Variants in HES6 observed in about 807,000 individuals in gnomAD.
HES6 encodes transcription cofactor HES-6.
In HES6, 24 loss-of-function variants were observed where a neutral mutation model predicts 16.4. That is an observed-to-expected ratio of 1.46 (90% CI 1.06 to 2.06). The LOEUF (loss-of-function observed/expected upper bound fraction) is 2.06. Ranked by LOEUF, HES6 falls within the 30% of genes most tolerant of loss-of-function variation. HES6 has a pLI of 0.00. For missense variants in HES6, 355 were observed against 317.6 expected, an observed-to-expected ratio of 1.12 and a Z score of -0.90; for synonymous variants, 159 against 144.3, an observed-to-expected ratio of 1.10 and a Z score of -0.73.
rs896790439 is a variant in HES6 at position 238,238,586 on chromosome 2, C to T, written c.*241G>A. 3.7e-6 allele frequency: 2 copies of T among 540,510 alleles called. No individual in the cohort carries two copies. Among genetic ancestry groups the T allele is most frequent in the South Asian group, 4.9e-5 (2 of 41,136 alleles). The allele number at this position is 540,510 out of a possible 1,614,324, so 33.5% of individuals were successfully genotyped here. On this transcript the variant is annotated 3_prime_UTR_variant, in exon 4 of 4. Transcript: ENST00000272937. ...AGCTCTACAAAATTCTTCCTCCTGC[C>T]CGTAGCTCCCTCCCTCCACCCACTC... is the stretch of plus-strand genomic sequence containing the variant.
chr2:238,238,944 C>T lies in HES6; in HGVS notation c.558G>A (p.Glu186=). 2 of 1,599,698 alleles carry T rather than the reference C, an allele frequency of 1.3e-6. No individual in the cohort carries two copies. Among genetic ancestry groups the T allele is most frequent in the Non-Finnish European group, 8.5e-7 (1 of 1,174,960 alleles). The part of the protein sequence containing the change: ...GPGDDLCSDL[E]EAPEAELSQA... Reference sequence around the variant, plus strand: ...GACTCAGTTCAGCCTCAGGGGCCTCCTCCAGGTCGGAGCACAGGTCGTCCC... The same window carrying T: ...GACTCAGTTCAGCCTCAGGGGCCTCTTCCAGGTCGGAGCACAGGTCGTCCC... The change falls in exon 4 of 4, where the codon GAG becomes GAA. Residue 186 remains glutamate, a synonymous_variant. Coordinates refer to ENST00000272937, the MANE Select transcript of HES6 (RefSeq NM_018645.6).
Position 238,238,932 on chromosome 2 carries a change from C to T in HES6, c.570G>A (p.Glu190=). ...CAGCAGGAGCCTGACTCAGTTCAGCCTCAGGGGCCTCCTCCAGGTCGGAGC... is the reference window on the plus strand; with the variant it reads ...CAGCAGGAGCCTGACTCAGTTCAGCTTCAGGGGCCTCCTCCAGGTCGGAGC... The part of the protein sequence containing the change: ...DLCSDLEEAP[E]AELSQAPAEG... The change falls in exon 4 of 4, where the codon GAG becomes GAA. Residue 190 remains glutamate, a synonymous_variant. Transcript: ENST00000272937. 1 of 1,595,936 alleles carries T rather than the reference C, an allele frequency of 6.3e-7. No individual in the cohort carries two copies. The highest frequency in any genetic ancestry group is 8.5e-7 in the Non-Finnish European group (1 of 1,173,148).
rs148864550 is a variant in HES6 at position 238,239,146 on chromosome 2, G to C, written c.356C>G (p.Ala119Gly). 60 of 1,612,590 alleles carry C rather than the reference G, an allele frequency of 3.7e-5. No individual in the cohort carries two copies. The South Asian group carries it at 5.3e-4, about 14-fold the overall frequency. The part of the protein sequence containing the change: ...TFVSTCQAID[A>G]TVAAELLNHL... ...GTTCAGGAGCTCGGCAGCGACGGTA[G>C]CGTCGATGGCCTGGCACGTGGACAC... The change falls in exon 4 of 4, where the codon GCT becomes GGT. Residue 119 changes from alanine (A) to glycine (G), a missense_variant. Physicochemically the swap from Ala to Gly is moderately conservative, Grantham distance 60. Transcript: ENST00000272937.
chr2:238,239,009 C>CT lies in HES6; in HGVS notation c.492_493insA (p.Gly165ArgfsTer26). The stretch of plus-strand genomic sequence containing the variant: ...CTGGGTATTGGGGATCCCGGAGCGC[C>CT]CCCCGCAGGCCAGCCACTCCGTCCA... On this transcript the variant is annotated frameshift_variant, in exon 4 of 4. Coordinates refer to ENST00000272937, the MANE Select transcript of HES6 (RefSeq NM_018645.6). LOFTEE classifies it low-confidence loss of function (END_TRUNC). 2 of 1,607,916 alleles carry CT rather than the reference C, an allele frequency of 1.2e-6. No homozygotes were observed. The highest frequency in any genetic ancestry group is 4.5e-5 in the East Asian group (2 of 44,646).
At chr2:238,239,626 C>A in intron 2 of HES6, 35 bp downstream of exon 2, 1 of 1,135,518 alleles carries the variant, frequency 8.8e-7, no homozygotes, top group Non-Finnish European at 1.1e-6. Flanking sequence ...GCCCGCCCGC[C>A]CCGCAGCCCC....
At position 238,239,824 on chromosome 2, in the gene HES6, C is replaced by A; in HGVS notation, c.81+1G>T. On this transcript the variant is annotated splice_donor_variant, in intron 1 of 3. Coordinates refer to ENST00000272937, the MANE Select transcript of HES6 (RefSeq NM_018645.6). LOFTEE classifies it high-confidence loss of function. ...TGCTCGCCCATGGCCCCGGCCCGCA[C>A]CTTGCGGTCCCCTCGCGTCTCCCAG... 2.1e-6 allele frequency: 3 copies of A among 1,400,554 alleles called. No individual in the cohort carries two copies. The highest frequency in any genetic ancestry group is 1.5e-5 in the South Asian group (1 of 65,072). The allele number at this position is 1,400,554 out of a possible 1,614,324, so 86.8% of individuals were successfully genotyped here.
Position 238,239,004 on chromosome 2 carries a change from A to G in HES6, c.498T>C (p.Ala166=). The G allele has an allele frequency of 6.2e-7, 1 of 1,605,456 alleles. No homozygotes were observed. Among genetic ancestry groups the G allele is most frequent in the Non-Finnish European group, 8.5e-7 (1 of 1,177,700 alleles). ...GGGGGCTGGGTATTGGGGATCCCGGAGCGCCCCCCGCAGGCCAGCCACTCC... is the reference window on the plus strand; with the variant it reads ...GGGGGCTGGGTATTGGGGATCCCGGGGCGCCCCCCGCAGGCCAGCCACTCC... ...PGRSGWPAGG[A]PGSPIPSPPG... Residue 166 remains alanine, a synonymous_variant, in exon 4 of 4, where the codon GCT becomes GCC. Transcript: ENST00000272937.
At position 238,238,565 on chromosome 2, in the gene HES6, C is replaced by T. The variant is rs1695215617; in HGVS notation, c.*262G>A. The T allele has an allele frequency of 2.0e-6, 1 of 509,102 alleles. No homozygotes were observed. Among genetic ancestry groups the T allele is most frequent in the East Asian group, 3.7e-5 (1 of 27,320 alleles). The allele number at this position is 509,102 out of a possible 1,614,324, so 31.5% of individuals were successfully genotyped here. On this transcript the variant is annotated 3_prime_UTR_variant, in exon 4 of 4. Coordinates refer to ENST00000272937, the MANE Select transcript of HES6 (RefSeq NM_018645.6). ...TGAACCTGGGAGAGCGCTGGCAGCT[C>T]TACAAAATTCTTCCTCCTGCCCGTA...
chr2:238,238,687 C>T lies in HES6; in HGVS notation c.*140G>A. On this transcript the variant is annotated 3_prime_UTR_variant, in exon 4 of 4. Transcript: ENST00000272937. ...ACTGGGCTGGTTACCAGGGGCTGCC[C>T]TGCAAGCCATCCATCAGAGGAGGGA... is the stretch of plus-strand genomic sequence containing the variant. 1.2e-6 allele frequency: 1 copy of T among 868,464 alleles called. No homozygotes were observed. Among genetic ancestry groups the T allele is most frequent in the South Asian group, 1.6e-5 (1 of 61,636 alleles). 53.8% of individuals were successfully genotyped at this position (868,464 alleles called of 1,614,324 possible).
intron 2 of HES6, 43 bp from the exon 3 acceptor site, chr2:238,239,611 G>GGGGGGGGGCCCCCCCC: frequency 8.8e-7 from 1 of 1,135,682 alleles, no homozygotes; most frequent in Non-Finnish European, 1.1e-6. Context: ...CGCGCTCCCG[G>GGGGGGGGGCCCCCCCC]ACCCGCCCGC....
In HES6 at chr2:238,238,813, C is replaced by G. The variant is rs753347352; in HGVS notation, c.*14G>C. On this transcript the variant is annotated 3_prime_UTR_variant, in exon 4 of 4. Coordinates refer to ENST00000272937, the MANE Select transcript of HES6 (RefSeq NM_018645.6). ...GGGCCGGGCCCACCCCCGCAGGACT[C>G]TGGCTGGCATTGGTCACCAAGGCCT... is the stretch of plus-strand genomic sequence containing the variant. The G allele has an allele frequency of 1.6e-5, 25 of 1,548,006 alleles. No homozygotes were observed. Among genetic ancestry groups the G allele is most frequent in the Non-Finnish European group, 2.1e-5 (24 of 1,153,228 alleles).
Position 238,239,888 on chromosome 2 carries a change from C to A in HES6, c.18G>T (p.Ala6=), listed in dbSNP as rs1190593603. The A allele has an allele frequency of 1.6e-6, 2 of 1,242,080 alleles. No individual in the cohort carries two copies. The highest frequency in any genetic ancestry group is 3.3e-5 in the South Asian group (1 of 30,678). The allele number at this position is 1,242,080 out of a possible 1,614,324, so 76.9% of individuals were successfully genotyped here. A position where few individuals can be genotyped will look rare whatever the true frequency, so the allele number is the denominator to read the frequency against. Reference sequence around the variant, plus strand: ...CACGGCCCACACGGTCCCGGCCAGGCGCCGCGGGTGGCGCCATGCCCGCTC... The same window carrying A: ...CACGGCCCACACGGTCCCGGCCAGGAGCCGCGGGTGGCGCCATGCCCGCTC... MAPPA[A]PGRDRVGRED... Residue 6 remains alanine (A), a synonymous_variant, in exon 1 of 4, where the codon GCG becomes GCT. Transcript: ENST00000272937.
In HES6 at chr2:238,238,365, C is replaced by CAG. The variant is rs1308461621; in HGVS notation, c.*460_*461dup. The CAG allele has an allele frequency of 1.1e-5, 2 of 184,034 alleles. No individual in the cohort carries two copies. Among genetic ancestry groups the CAG allele is most frequent in the African/African-American group, 4.8e-5 (2 of 41,806 alleles). 11.4% of individuals were successfully genotyped at this position (184,034 alleles called of 1,614,324 possible). A position where few individuals can be genotyped will look rare whatever the true frequency, so the allele number is the denominator to read the frequency against. On this transcript the variant is annotated 3_prime_UTR_variant, in exon 4 of 4. Coordinates refer to ENST00000272937, the MANE Select transcript of HES6 (RefSeq NM_018645.6). ...TCAAGTGTGCTACAAACAAGATGTACAGAGCATCACAGCTCTGGGCAGTGC... is the reference window on the plus strand; with the variant it reads ...TCAAGTGTGCTACAAACAAGATGTACAGAGAGCATCACAGCTCTGGGCAGTGC...
At chr2:238,239,611 G>GGGGGGGGCGCCCCCC in intron 2 of HES6, 43 bp from the exon 3 acceptor site, 1 of 1,135,690 alleles carries the variant, frequency 8.8e-7, no homozygotes, top group Non-Finnish European at 1.1e-6. Flanking sequence ...CGCGCTCCCG[G>GGGGGGGGCGCCCCCC]ACCCGCCCGC....
At chr2:238,239,363 G>T in intron 3 of HES6, 112 bp from the exon 4 acceptor site, 1 of 1,326,754 alleles carries the variant, frequency 7.5e-7, no homozygotes, top group Non-Finnish European at 9.9e-7. Context: ...ACGCGGGGGC[G>T]CACCCTGCTC....
In HES6 at chr2:238,240,002, C is replaced by A. The variant is rs1458726455; in HGVS notation, c.-97G>T. 5.8e-6 allele frequency: 4 copies of A among 686,570 alleles called. No individual in the cohort carries two copies. The highest frequency in any genetic ancestry group is 7.8e-6 in the Non-Finnish European group (4 of 514,858). The allele number at this position is 686,570 out of a possible 1,614,324, so 42.5% of individuals were successfully genotyped here. ...GCGCCCTCCGCTGCCCCGCGGCCGC[C>A]CAGCAGCAGCCCAGCCGTCCGCGCT... On this transcript the variant is annotated 5_prime_UTR_variant, in exon 1 of 4. Transcript: ENST00000272937.
In HES6 at chr2:238,239,890, CCGCGGGTGG is replaced by C. The variant is rs1455356393; in HGVS notation, c.7_15del (p.Pro3_Ala5del). ...CGGCCCACACGGTCCCGGCCAGGCGCCGCGGGTGGCGCCATGCCCGCTCCGCCGGGGACG... is the reference window on the plus strand; with the variant it reads ...CGGCCCACACGGTCCCGGCCAGGCGCCGCCATGCCCGCTCCGCCGGGGACG... On this transcript the variant is annotated inframe_deletion, in exon 1 of 4. Transcript: ENST00000272937. 5 of 1,239,096 alleles carry C rather than the reference CCGCGGGTGG, an allele frequency of 4.0e-6. No individual in the cohort carries two copies. Among genetic ancestry groups the C allele is most frequent in the African/African-American group, 1.6e-5 (1 of 63,948 alleles). 76.8% of individuals were successfully genotyped at this position (1,239,096 alleles called of 1,614,324 possible).
Position 238,240,025 on chromosome 2 carries a change from G to T in HES6, c.-120C>A, listed in dbSNP as rs895115049. On this transcript the variant is annotated 5_prime_UTR_variant, in exon 1 of 4. Coordinates refer to ENST00000272937, the MANE Select transcript of HES6 (RefSeq NM_018645.6). ...GCCCAGCAGCAGCCCAGCCGTCCGC[G>T]CTCCTCGCGGCTTCCGGCCCGCCGC... is the stretch of plus-strand genomic sequence containing the variant. 46 of 471,306 alleles carry T rather than the reference G, an allele frequency of 9.8e-5. 1 individual carries two copies. Among genetic ancestry groups the T allele is most frequent in the Middle Eastern group, 7.5e-4 (1 of 1,336 alleles). The allele number at this position is 471,306 out of a possible 1,614,324, so 29.2% of individuals were successfully genotyped here.
At chr2:238,239,308 G>A in intron 3 of HES6, 57 bp from the exon 4 acceptor site, 1 of 1,547,318 alleles carries the variant, frequency 6.5e-7, no homozygotes, top group African/African-American at 1.4e-5. Context: ...CGGCGACTGC[G>A]TGGCCCAGCC....
Sources: gnomAD v4.1 joint callset for allele counts on GRCh38, gnomAD v4.1.1 for gene constraint, MANE v1.5 for transcripts, NCBI Gene and HGNC (gene_info 2026-07-23, HGNC 2026-07-21) for gene names.